The following OTOG variants were observed in gnomAD, a reference collection of about 807,000 sequenced individuals.
OTOG encodes the protein otogelin.
In OTOG, 296 loss-of-function variants were observed where a neutral mutation model predicts 313.8. The observed-to-expected ratio is 0.94, with a 90% confidence interval of 0.86 to 1.04. The LOEUF is 1.04. Among genes scored for constraint, OTOG ranks in the 50% least tolerant of loss-of-function variants. The pLI is 0.00. For synonymous variants in OTOG, 1,533 were observed against 1,554.9 expected, an observed-to-expected ratio of 0.99 and a Z score of 0.33; for missense variants, 3,948 against 3,840.1, an observed-to-expected ratio of 1.03 and a Z score of -0.74.
chr11:17,613,170 TTTTCTTTC>T (rs201528443), intron 38 of OTOG, among the ~76,000 whole-genome samples: 8 of 125,572 alleles, frequency 6.4e-5, no homozygotes, highest in Admixed American at 3.7e-4. Context: ...CTCTTCTCCC[TTTTCTTTC>T]TTTCTTTCTT....
At chr11:17,577,017 C>A in intron 22 of OTOG, 106 bp downstream of exon 22, 1 of 1,197,812 alleles carries the variant, frequency 8.3e-7, no homozygotes, top group Non-Finnish European at 1.2e-6. Flanking sequence ...CCAGGTTTTG[C>A]CCTACATTGG....
rs565709676 is a variant in OTOG at position 17,585,616 on chromosome 11, C to T, written c.2760-858C>T. On this transcript the variant is annotated intron_variant, in intron 23 of 55. Transcript: ENST00000399397. ...TAATCCCTTCTATTTCACATCCTGA[C>T]CTGGATATGCTGGCCACTTCAGAAG... Among the ~76,000 whole-genome samples, 138 of 152,278 alleles carry T rather than the reference C, an allele frequency of 9.1e-4. 1 individual carries two copies. The highest frequency in any genetic ancestry group is 3.1e-3 in the African/African-American group (127 of 41,544).
intron 37 of OTOG, 78 bp from the exon 38 acceptor site, chr11:17,612,542 G>A: frequency 6.8e-7 from 1 of 1,477,460 alleles, no homozygotes; most frequent in Non-Finnish European, 9.0e-7. Flanking sequence ...AAAGGGCCAG[G>A]AACCTGCCCC....
intron 17 of OTOG, among the ~76,000 whole-genome samples, chr11:17,571,233 G>T (rs1177601112): frequency 6.6e-6 from 1 of 152,200 alleles, no homozygotes; most frequent in African/African-American, 2.4e-5. Context: ...CAGATGTTAG[G>T]GTAGCTGGCC....
chr11:17,579,646 A>G (rs997905469), intron 23 of OTOG, among the ~76,000 whole-genome samples: 2 of 152,178 alleles, frequency 1.3e-5, no homozygotes, highest in Admixed American at 6.5e-5. Flanking sequence ...ACCTGCTGCC[A>G]CTTGGGCCCC....
rs548280117 is a variant in OTOG, at chr11:17,645,615, G to A, written c.8513G>A (p.Arg2838His). 4.1e-5 allele frequency: 64 copies of A among 1,550,664 alleles called. 1 individual carries two copies. Among genetic ancestry groups the A allele is most frequent in the South Asian group, 3.1e-4 (26 of 84,064 alleles). Residue 2838 changes from arginine to histidine, a missense_variant, in exon 55 of 56, where the codon CGC (arginine) becomes CAC (histidine). Transcript: ENST00000399397. ...AAGGTGACCATCCGCATGACCATCCGCAAGAATGAATGCAGGAGCAGCACC... is the reference window on the plus strand; with the variant it reads ...AAGGTGACCATCCGCATGACCATCCACAAGAATGAATGCAGGAGCAGCACC... ...CKKVTIRMTI[R>H]KNECRSSTPV...
At chr11:17,552,188 C>A in intron 4 of OTOG, 113 bp downstream of exon 4, 1 of 1,071,704 alleles carries the variant, frequency 9.3e-7, no homozygotes, top group Non-Finnish European at 1.4e-6. Flanking sequence ...ACCCCTTTTT[C>A]CTGCTTGGCA....
In OTOG at chr11:17,596,108, AG is replaced by A; in HGVS notation, c.3480del (p.Glu1160AspfsTer27). ...CTCCGAGAACCATTTGCCAAGAAGG[AG>A]TGCAGCATCCTGCTCAGTGAGGTGT... is the stretch of plus-strand genomic sequence containing the variant. Reference protein sequence around the residue: ...NPLREPFAKKECSILLSEVFE... With the variant: ...NPLREPFAKKXCSILLSEVFE... On this transcript the variant is annotated frameshift_variant, in exon 29 of 56. Coordinates refer to ENST00000399397, the MANE Select transcript of OTOG (RefSeq NM_001292063.2). LOFTEE classifies it high-confidence loss of function. 1 of 1,550,638 alleles carries A rather than the reference AG, an allele frequency of 6.4e-7. No homozygotes were observed. Among genetic ancestry groups the A allele is most frequent in the African/African-American group, 1.4e-5 (1 of 73,136 alleles).
chr11:17,643,886 C>T (rs1848022639), intron 54 of OTOG, among the ~76,000 whole-genome samples: 1 of 152,232 alleles, frequency 6.6e-6, no homozygotes, highest in Non-Finnish European at 1.5e-5. Flanking sequence ...CTTGGAGGAG[C>T]CTCCTGGGTG....
intron 25 of OTOG, among the ~76,000 whole-genome samples, chr11:17,592,342 A>G (rs1852967040): frequency 6.6e-6 from 1 of 152,252 alleles, no homozygotes; most frequent in South Asian, 2.1e-4. Flanking sequence ...TAGGGCAGGC[A>G]CTGTACTGGG....
intron 32 of OTOG, 130 bp downstream of exon 32, chr11:17,602,507 C>A: frequency 9.3e-7 from 1 of 1,071,118 alleles, no homozygotes; most frequent in Non-Finnish European, 1.3e-6. Context: ...GCCCCTCTCC[C>A]AGTTGAGATG....
At chr11:17,631,961 G>A (rs535544224) in intron 41 of OTOG, 39 bp downstream of exon 41, 98 of 1,545,172 alleles carry the variant, frequency 6.3e-5, no homozygotes, top group Non-Finnish European at 8.3e-5. Flanking sequence ...GACACCTCCT[G>A]GGCTGGCTGG....
At chr11:17,577,390 T>C (rs1057287478) in intron 22 of OTOG, among the ~76,000 whole-genome samples, 21 of 150,728 alleles carry the variant, frequency 1.4e-4, no homozygotes, top group African/African-American at 3.4e-4. Context: ...GGGATGGGGG[T>C]CAACCTTTGA....
rs1854199215 is a variant in OTOG at position 17,634,079 on chromosome 11, C to T, written c.7278C>T (p.Asp2426=). The change falls in exon 44 of 56, where the codon GAC becomes GAT. Residue 2426 remains aspartate, a synonymous_variant. Transcript: ENST00000399397. The stretch of plus-strand genomic sequence containing the variant: ...CATTCCCCTCTGCAGCCTGCACTGA[C>T]AGCATGGGGGTGCCGAGGGCCCTGG... ...CIPEAKCACT[D]SMGVPRALGE... The T allele has an allele frequency of 6.5e-7, 1 of 1,545,762 alleles. No homozygotes were observed. The highest frequency in any genetic ancestry group is 1.4e-5 in the African/African-American group (1 of 73,120).
At chr11:17,559,461 G>C (rs904453698) in intron 11 of OTOG, 73 bp from the exon 12 acceptor site, 1 of 1,538,748 alleles carries the variant, frequency 6.5e-7, no homozygotes, top group Non-Finnish European at 8.8e-7. Flanking sequence ...TCACTCCACG[G>C]CCTGGGGTAG....
chr11:17,635,154 C>T lies in OTOG; in HGVS notation c.7660C>T (p.Leu2554=). 6.5e-7 allele frequency: 1 copy of T among 1,548,186 alleles called. No homozygotes were observed. The highest frequency in any genetic ancestry group is 8.7e-7 in the Non-Finnish European group (1 of 1,146,746). Residue 2554 remains leucine, a synonymous_variant, in exon 46 of 56, where the codon CTG becomes TTG. Coordinates refer to ENST00000399397, the MANE Select transcript of OTOG (RefSeq NM_001292063.2). ...RQDQILITGR[L]GDSCCTSYFC... is the part of the protein sequence containing the mutation. ...GGACCAGATCCTGATCACGGGCCGC[C>T]TGGGGGACTCCTGCTGCACCTCCTA...
chr11:17,585,513 C>T (rs994511198), intron 23 of OTOG, among the ~76,000 whole-genome samples: 1 of 152,088 alleles, frequency 6.6e-6, no homozygotes, highest in African/African-American at 2.4e-5. Flanking sequence ...ACTAATTTCT[C>T]CTCTTATATT....
chr11:17,642,955 C>T (rs59944682), intron 53 of OTOG, among the ~76,000 whole-genome samples: 3,065 of 152,296 alleles, frequency 0.02, 97 homozygotes, highest in African/African-American at 0.065. Flanking sequence ...AACACACACA[C>T]TTATGTACAA....
intron 39 of OTOG, among the ~76,000 whole-genome samples, chr11:17,617,211 A>G (rs111312755): frequency 2.0e-5 from 3 of 152,194 alleles, no homozygotes; most frequent in African/African-American, 7.2e-5. Context: ...TTCATTTGTT[A>G]TATTATCCTT....
Sources: gnomAD v4.1 joint callset for allele counts (sites outside exome capture counted in the v4.1 genomes callset) on GRCh38, gnomAD v4.1.1 for gene constraint, MANE v1.5 for transcripts, NCBI Gene and HGNC (gene_info 2026-07-23, HGNC 2026-07-21) for gene names.